ANKS1B: variants seen among roughly 807,000 people sequenced by gnomAD.
The protein encoded by ANKS1B is ankyrin repeat and sterile alpha motif domain-containing protein 1B.
In ANKS1B, 36 loss-of-function variants were observed where a neutral mutation model predicts 148.3. The ratio of observed to expected loss-of-function variants is 0.24; its 90% CI spans 0.19 to 0.32. The LOEUF (loss-of-function observed/expected upper bound fraction) is 0.32, where lower values mean the gene tolerates loss of function less well. Among genes scored for constraint, ANKS1B ranks in the 10% least tolerant of loss-of-function variants. The pLI is 1.00. For missense variants in ANKS1B, 1,157 were observed against 1,542.6 expected (o/e 0.75, Z 4.19); for synonymous variants, 542 against 560.8 (o/e 0.97, Z 0.47).
intron 12 of ANKS1B, among the ~76,000 whole-genome samples, chr12:99,274,465 C>T (rs1349460611): frequency 6.6e-6 from 1 of 152,122 alleles, no homozygotes; most frequent in African/African-American, 2.4e-5. Flanking sequence ...ACAGAATTGC[C>T]AGACATTCTG....
At chr12:99,964,351 G>C (rs998811708) in intron 1 of ANKS1B, among the ~76,000 whole-genome samples, 1 of 152,206 alleles carries the variant, frequency 6.6e-6, no homozygotes, top group Admixed American at 6.5e-5. Context: ...TCATCACCTA[G>C]ATAAAAAGAA....
intron 12 of ANKS1B, among the ~76,000 whole-genome samples, chr12:99,367,417 T>C (rs1282652906): frequency 6.6e-6 from 1 of 152,208 alleles, no homozygotes; most frequent in Non-Finnish European, 1.5e-5. Context: ...GTCTGTGAGC[T>C]ACACATTACT....
chr12:99,373,098 C>A (rs1055864132), intron 12 of ANKS1B, among the ~76,000 whole-genome samples: 1 of 152,084 alleles, frequency 6.6e-6, no homozygotes, highest in Admixed American at 6.6e-5. Flanking sequence ...TAGTAAATTT[C>A]AAGTGTAGGT....
chr12:99,376,188 A>G (rs1249146286), intron 12 of ANKS1B, among the ~76,000 whole-genome samples: 1 of 152,242 alleles, frequency 6.6e-6, no homozygotes, highest in Non-Finnish European at 1.5e-5. Context: ...AACTCAATGC[A>G]TATGATAAAA....
intron 10 of ANKS1B, among the ~76,000 whole-genome samples, chr12:99,453,336 T>C (rs1450187158): frequency 6.6e-6 from 1 of 151,982 alleles, no homozygotes; most frequent in Non-Finnish European, 1.5e-5. Flanking sequence ...TGAGTTGTAC[T>C]TCTGGGAATA....
At chr12:98,954,381 G>A (rs996528218) in intron 17 of ANKS1B, 1 of 152,328 alleles carries the variant, frequency 6.6e-6, no homozygotes, top group African/African-American at 2.4e-5. Context: ...AAGTGAGCAT[G>A]AGCTGCTATA....
At chr12:98,884,153 C>T (rs1468922000) in intron 17 of ANKS1B, among the ~76,000 whole-genome samples, 1 of 152,144 alleles carries the variant, frequency 6.6e-6, no homozygotes, top group Non-Finnish European at 1.5e-5. Context: ...TAGCTAAACG[C>T]AAGTCAAAAT....
chr12:99,637,648 G>A (rs936208342), intron 9 of ANKS1B, among the ~76,000 whole-genome samples: 1 of 151,932 alleles, frequency 6.6e-6, no homozygotes, highest in Admixed American at 6.6e-5. Context: ...TTTCTTTCAT[G>A]CTGGATGCTT....
Position 99,472,240 on chromosome 12 carries a change from C to G in ANKS1B, c.1439-28431G>C, listed in dbSNP as rs532999015. 5.9e-5 allele frequency among the ~76,000 whole-genome samples: 9 copies of G among 152,196 alleles called. No homozygotes were observed. The South Asian group carries it at 1.9e-3, about 32-fold the overall frequency. ...CACTCCACTTAAATATCCTGCCGGACCTAGCTCAAATGCTATTTTTTCTGC... is the reference window on the plus strand; with the variant it reads ...CACTCCACTTAAATATCCTGCCGGAGCTAGCTCAAATGCTATTTTTTCTGC... On this transcript the variant is annotated intron_variant, in intron 10 of 26. Transcript: ENST00000683438.
chr12:98,874,716 G>A (rs1175823700), intron 17 of ANKS1B, among the ~76,000 whole-genome samples: 2 of 152,150 alleles, frequency 1.3e-5, no homozygotes, highest in Non-Finnish European at 2.9e-5. Flanking sequence ...AAATATATCT[G>A]TATGTTTAGA....
intron 9 of ANKS1B, among the ~76,000 whole-genome samples, chr12:99,590,457 A>C (rs1236738344): frequency 6.6e-6 from 1 of 152,164 alleles, no homozygotes; most frequent in African/African-American, 2.4e-5. Flanking sequence ...CAACTCCATG[A>C]TGGTAGAGAT....
At chr12:99,480,706 T>C (rs949662124) in intron 10 of ANKS1B, among the ~76,000 whole-genome samples, 3 of 151,880 alleles carry the variant, frequency 2.0e-5, no homozygotes, top group Admixed American at 2.0e-4. Flanking sequence ...TATGACATTA[T>C]TTAGGAAGGT....
intron 17 of ANKS1B, among the ~76,000 whole-genome samples, chr12:98,874,102 C>T (rs1003840363): frequency 6.6e-6 from 1 of 152,092 alleles, no homozygotes; most frequent in Non-Finnish European, 1.5e-5. Flanking sequence ...GCTGGCTAAT[C>T]TAAAACATAC....
At chr12:98,750,569 G>A (rs1010678681) in intron 26 of ANKS1B, among the ~76,000 whole-genome samples, 1 of 152,196 alleles carries the variant, frequency 6.6e-6, no homozygotes, top group Admixed American at 6.5e-5. Context: ...GGAAGGATTC[G>A]GGGGCGTGAG....
chr12:99,370,301 AG>A (rs1157448121), intron 12 of ANKS1B, among the ~76,000 whole-genome samples: 1 of 152,122 alleles, frequency 6.6e-6, no homozygotes, highest in Non-Finnish European at 1.5e-5. Context: ...GAGAGCATTT[AG>A]GGGAAATATT....
chr12:99,014,960 C>T lies in ANKS1B; in HGVS notation c.2778+38197G>A, dbSNP rs529642982. 1.6e-4 allele frequency among the ~76,000 whole-genome samples: 25 copies of T among 152,284 alleles called. 1 individual carries two copies. The South Asian group carries it at 5.2e-3, about 32-fold the overall frequency. ...CAGCCATTGTGGAAGACACTGTGGC[C>T]ATTCCTCAAAGACCTAAAGACAGAA... is the stretch of plus-strand genomic sequence containing the variant. On this transcript the variant is annotated intron_variant, in intron 17 of 26. Coordinates refer to ENST00000683438, the MANE Select transcript of ANKS1B (RefSeq NM_001352186.2).
chr12:99,301,050 C>A (rs545551082), intron 12 of ANKS1B, among the ~76,000 whole-genome samples: 2 of 152,234 alleles, frequency 1.3e-5, no homozygotes, highest in Non-Finnish European at 2.9e-5. Flanking sequence ...ACCGGGGAGC[C>A]AATGGTGTAA....
intron 14 of ANKS1B, among the ~76,000 whole-genome samples, chr12:99,216,087 G>A (rs556553728): frequency 1.3e-5 from 2 of 152,170 alleles, no homozygotes; most frequent in Non-Finnish European, 2.9e-5. Flanking sequence ...AGTCTCACGA[G>A]ATCTGATGGT....
chr12:99,923,933 T>C (rs1001776197), intron 1 of ANKS1B, among the ~76,000 whole-genome samples: 1 of 152,144 alleles, frequency 6.6e-6, no homozygotes, highest in African/African-American at 2.4e-5. Flanking sequence ...TCTGTTTCTA[T>C]TTAAAATTTT....
Sources: allele counts gnomAD v4.1 joint callset (sites outside exome capture counted in the v4.1 genomes callset), GRCh38; gene constraint gnomAD v4.1.1; transcripts MANE v1.5; gene names NCBI Gene and HGNC (gene_info 2026-07-23, HGNC 2026-07-21).